Variants in FSTL4 observed in about 807,000 individuals in gnomAD.
FSTL4 encodes the protein follistatin-related protein 4.
In FSTL4, 28 loss-of-function variants were observed where a neutral mutation model predicts 78.2. That is an observed-to-expected ratio of 0.36 (90% CI 0.27 to 0.49). The LOEUF is 0.49. Ranked by LOEUF, FSTL4 falls within the 20% of genes least tolerant of loss-of-function variation. The probability of loss-of-function intolerance (pLI) is 0.98; values close to 1 mark genes in which losing one functional copy is unlikely to be tolerated. For synonymous variants in FSTL4, 422 were observed against 440.5 expected (o/e 0.96, Z 0.53); for missense variants, 922 against 1,084.9 (o/e 0.85, Z 2.11).
chr5:133,808,045 C>A, the FSTL4 span, among the ~76,000 whole-genome samples: 1 of 152,180 alleles, frequency 6.6e-6, no homozygotes, highest in African/African-American at 2.4e-5. Context: ...TTCATCTGCA[C>A]GACCTGCAAT....
chr5:133,606,930 G>T (rs1760990315), intron 1 of FSTL4, among the ~76,000 whole-genome samples: 1 of 152,242 alleles, frequency 6.6e-6, no homozygotes, highest in Non-Finnish European at 1.5e-5. Context: ...ATAAGAGGAT[G>T]CACCAAGACT....
intron 6 of FSTL4, among the ~76,000 whole-genome samples, chr5:133,290,143 A>C (rs17166494): frequency 0.13 from 20,189 of 152,184 alleles, 1,393 homozygotes; most frequent in East Asian, 0.22. Flanking sequence ...GGCCCCTCGC[A>C]AAAGCAGCCT....
intron 4 of FSTL4, among the ~76,000 whole-genome samples, chr5:133,382,854 C>T (rs1475743678): frequency 2.7e-5 from 4 of 149,950 alleles, no homozygotes; most frequent in Admixed American, 6.6e-5. Flanking sequence ...AGGGAGGGCA[C>T]GGAAAGGGAA....
At chr5:133,370,111 C>T (rs534540847) in intron 4 of FSTL4, among the ~76,000 whole-genome samples, 4 of 152,282 alleles carry the variant, frequency 2.6e-5, no homozygotes, top group South Asian at 2.1e-4. Flanking sequence ...GAACTGTCAC[C>T]GTGCATGTGG....
At position 133,331,530 on chromosome 5, in the gene FSTL4, G is replaced by A. The variant is rs1048837567; in HGVS notation, c.410-14878C>T. Among the ~76,000 whole-genome samples the A allele has an allele frequency of 5.9e-5, 9 of 152,292 alleles. No individual in the cohort carries two copies. The South Asian group carries it at 1.5e-3, about 25-fold the overall frequency. ...GGTCATTTACTTTAGAAGAAAAGGT[G>A]TTACAGGGAAACTGCCTCAGAATGC... On this transcript the variant is annotated intron_variant, in intron 4 of 15. Coordinates refer to ENST00000265342, the MANE Select transcript of FSTL4 (RefSeq NM_015082.2).
chr5:133,217,467 G>C, intron 12 of FSTL4, 89 bp from the exon 13 acceptor site: 1 of 1,232,374 alleles, frequency 8.1e-7, no homozygotes, highest in Non-Finnish European at 1.1e-6. Flanking sequence ...CCTCCTCTGT[G>C]CCTTTCTTCC....
chr5:133,544,222 T>A (rs1759529172), intron 3 of FSTL4, among the ~76,000 whole-genome samples: 1 of 152,210 alleles, frequency 6.6e-6, no homozygotes, highest in South Asian at 2.1e-4. Flanking sequence ...GCCACTTTCT[T>A]TACTCATTAT....
At chr5:133,260,503 G>C (rs916594690) in intron 6 of FSTL4, among the ~76,000 whole-genome samples, 3 of 152,296 alleles carry the variant, frequency 2.0e-5, no homozygotes, top group African/African-American at 7.2e-5. Flanking sequence ...TCCTGTGCCA[G>C]CCGTCAGCTC....
chr5:133,761,648 G>A, the FSTL4 span, among the ~76,000 whole-genome samples: 34 of 152,272 alleles, frequency 2.2e-4, no homozygotes, highest in African/African-American at 7.2e-4. Context: ...GCCCCTCAAC[G>A]TCAAGGGAGG....
At chr5:133,607,526 C>T (rs1761002690) in intron 1 of FSTL4, among the ~76,000 whole-genome samples, 1 of 152,118 alleles carries the variant, frequency 6.6e-6, no homozygotes, top group Non-Finnish European at 1.5e-5. Flanking sequence ...AGGACTCTGC[C>T]AAGGCCATGT....
the FSTL4 span, among the ~76,000 whole-genome samples, chr5:133,669,669 C>T: frequency 6.6e-5 from 10 of 152,148 alleles, no homozygotes; most frequent in Non-Finnish European, 1.5e-4. Flanking sequence ...AAATATCCAC[C>T]CTCACACACC....
At position 133,338,707 on chromosome 5, in the gene FSTL4, A is replaced by G. The variant is rs1197165027; in HGVS notation, c.410-22055T>C. Among the ~76,000 whole-genome samples the G allele has an allele frequency of 6.6e-6, 1 of 151,890 alleles. No individual in the cohort carries two copies. The highest frequency in any genetic ancestry group is 6.6e-5 in the Admixed American group (1 of 15,246). On this transcript the variant is annotated intron_variant, in intron 4 of 15. Transcript: ENST00000265342. The surrounding 1 kb of genome is among the most constrained non-coding windows in gnomAD (Gnocchi z 4.0). ...ACTCAACATGGCCCAAATGGAACTC[A>G]CCATCAAGACTGCTCCTTCTTTCAC...
intron 3 of FSTL4, among the ~76,000 whole-genome samples, chr5:133,543,394 G>C (rs1759515272): frequency 6.6e-6 from 1 of 152,104 alleles, no homozygotes; most frequent in Non-Finnish European, 1.5e-5. Flanking sequence ...TTATGTAATA[G>C]CTCCCATTGT....
At chr5:133,624,672 A>C in the FSTL4 span, among the ~76,000 whole-genome samples, 1 of 151,724 alleles carries the variant, frequency 6.6e-6, no homozygotes, top group Non-Finnish European at 1.5e-5. Context: ...TGATCTATGT[A>C]TCTGTGTCTC....
the FSTL4 span, among the ~76,000 whole-genome samples, chr5:133,829,507 C>G: frequency 1.8e-3 from 267 of 152,332 alleles, 1 homozygote; most frequent in Middle Eastern, 0.02. Context: ...TCAGCACCTG[C>G]TCTATATTGA....
the FSTL4 span, among the ~76,000 whole-genome samples, chr5:133,756,746 T>A: frequency 6.6e-6 from 1 of 152,118 alleles, no homozygotes; most frequent in Non-Finnish European, 1.5e-5. Flanking sequence ...AGGTGCTATA[T>A]CCGGAGCATT....
chr5:133,684,046 A>G, the FSTL4 span, among the ~76,000 whole-genome samples: 3,406 of 152,344 alleles, frequency 0.022, 51 homozygotes, highest in Middle Eastern at 0.092. Flanking sequence ...TTTGTGGACC[A>G]TACCAAAAAG....
chr5:133,771,998 A>G, the FSTL4 span, among the ~76,000 whole-genome samples: 2 of 152,200 alleles, frequency 1.3e-5, no homozygotes, highest in Non-Finnish European at 2.9e-5. Context: ...TTAGAGTCAG[A>G]AAGCATAGAA....
intron 3 of FSTL4, among the ~76,000 whole-genome samples, chr5:133,476,310 C>T (rs559434656): frequency 1.2e-4 from 18 of 152,156 alleles, no homozygotes; most frequent in Non-Finnish European, 2.4e-4. Context: ...TCTTGGGCAA[C>T]GAGCTTATGG....
Sources: gnomAD v4.1 joint callset for allele counts (sites outside exome capture counted in the v4.1 genomes callset) on GRCh38, gnomAD v4.1.1 for gene constraint, Gnocchi (gnomAD v3.1) non-coding constraint, MANE v1.5 for transcripts, NCBI Gene and HGNC (gene_info 2026-07-23, HGNC 2026-07-21) for gene names.